PRR11: variants seen among roughly 807,000 people sequenced by gnomAD.
PRR11 encodes the protein proline-rich protein 11.
PRR11 carries 30 observed loss-of-function variants against 45.6 expected under a neutral mutation model. The observed-to-expected ratio is 0.66, with a 90% CI of 0.49 to 0.89. PRR11 has a LOEUF of 0.89. Ranked by LOEUF, PRR11 falls within the 40% of genes least tolerant of loss-of-function variation. The probability of loss-of-function intolerance (pLI) is 0.00; values close to 1 mark genes in which losing one functional copy is unlikely to be tolerated. For missense variants in PRR11, 373 were observed against 424.8 expected, an observed-to-expected ratio of 0.88 and a Z score of 1.07; for synonymous variants, 128 against 153.5, an observed-to-expected ratio of 0.83 and a Z score of 1.23.
intron 6 of PRR11, 128 bp downstream of exon 6, chr17:59,194,983 G>A (rs1295591040): frequency 5.8e-6 from 4 of 694,848 alleles, no homozygotes; most frequent in Non-Finnish European, 9.8e-6. Context: ...GGACCAGCAT[G>A]GGGAATATGG....
chr17:59,161,985 A>T (rs1191957099), intron 1 of PRR11, among the ~76,000 whole-genome samples: 3 of 152,182 alleles, frequency 2.0e-5, no homozygotes, highest in Non-Finnish European at 4.4e-5. Flanking sequence ...TACTAAAACA[A>T]ACCTTAATTT....
At chr17:59,191,319 A>T (rs2046840069) in intron 4 of PRR11, among the ~76,000 whole-genome samples, 1 of 150,764 alleles carries the variant, frequency 6.6e-6, no homozygotes, top group Non-Finnish European at 1.5e-5. Context: ...CCCGGGTTCA[A>T]GCGATTCTCC....
intron 2 of PRR11, among the ~76,000 whole-genome samples, chr17:59,180,510 G>GTTTTTTTTTTTTT (rs1555716481): frequency 9.2e-6 from 1 of 108,634 alleles, no homozygotes; most frequent in African/African-American, 4.4e-5. Flanking sequence ...TTTTTTTTTT[G>GTTTTTTTTTTTTT]TTTTTTTTGT....
chr17:59,178,002 G>GAAA (rs35711059), intron 2 of PRR11, among the ~76,000 whole-genome samples: 2 of 125,394 alleles, frequency 1.6e-5, no homozygotes, highest in Non-Finnish European at 1.7e-5. Context: ...ATACTGTCTC[G>GAAA]AAAAAAAAAA....
intron 3 of PRR11, 91 bp from the exon 4 acceptor site, chr17:59,185,349 A>G (rs1309859235): frequency 3.3e-6 from 5 of 1,531,018 alleles, no homozygotes; most frequent in Non-Finnish European, 4.4e-6. Context: ...TTGCTTCTAT[A>G]AAAACATACA....
At chr17:59,167,115 G>T (rs985091605) in intron 1 of PRR11, among the ~76,000 whole-genome samples, 1 of 152,188 alleles carries the variant, frequency 6.6e-6, no homozygotes, top group Non-Finnish European at 1.5e-5. Context: ...AGTGAGCCAA[G>T]ATCGCGCCAC....
intron 1 of PRR11, among the ~76,000 whole-genome samples, chr17:59,158,882 G>A (rs1159847273): frequency 1.3e-5 from 2 of 152,148 alleles, no homozygotes; most frequent in Non-Finnish European, 1.5e-5. Flanking sequence ...GTGCAGTGGC[G>A]TGATCTTGGC....
At chr17:59,183,578 G>A (rs1312917872) in intron 2 of PRR11, among the ~76,000 whole-genome samples, 4 of 152,106 alleles carry the variant, frequency 2.6e-5, no homozygotes, top group African/African-American at 9.7e-5. Context: ...GAGACATTTT[G>A]AGGCCTGAAA....
Position 59,197,707 on chromosome 17 carries a change from C to T in PRR11, c.932C>T (p.Thr311Ile). 1 of 1,613,980 alleles carries T rather than the reference C, an allele frequency of 6.2e-7. No individual in the cohort carries two copies. The highest frequency in any genetic ancestry group is 8.5e-7 in the Non-Finnish European group (1 of 1,179,940). Residue 311 changes from threonine to isoleucine, a missense_variant, in exon 9 of 10, where the codon ACC becomes ATC. Thr to Ile is a moderately conservative substitution (Grantham distance 89). Coordinates refer to ENST00000262293, the MANE Select transcript of PRR11 (RefSeq NM_018304.4). ...TACCTTTGCAGGAGCCCAGGTGGAA[C>T]CCCTCTTACCAATAAGGAAAATATG... is the stretch of plus-strand genomic sequence containing the variant. The part of the protein sequence containing the change: ...KVDVERSPGG[T>I]PLTNKENMET...
At chr17:59,201,502 A>G in intron 9 of PRR11, 61 bp from the exon 10 acceptor site, 2 of 1,533,758 alleles carry the variant, frequency 1.3e-6, no homozygotes, top group South Asian at 1.1e-5. Context: ...TTGAGAAAGG[A>G]GAGTTGTACT....
chr17:59,179,819 C>A (rs1030361075), intron 2 of PRR11: 2 of 1,352,596 alleles, frequency 1.5e-6, no homozygotes, highest in Non-Finnish European at 2.1e-6. Context: ...TTCGTCCGAC[C>A]ACTCCCTCTT....
chr17:59,173,555 G>A lies in PRR11; in HGVS notation c.128+3675G>A, dbSNP rs548339082. On this transcript the variant is annotated intron_variant, in intron 2 of 9. Transcript: ENST00000262293. ...TGCCTTAAGAGCTGTAACACTCACC[G>A]CGAAGGTCTGCAGCTTCACTACTGA... 1.6e-4 allele frequency among the ~76,000 whole-genome samples: 24 copies of A among 151,972 alleles called. No homozygotes were observed. The East Asian group carries it at 4.4e-3, about 28-fold the overall frequency.
At chr17:59,169,629 G>C (rs1442258963) in intron 1 of PRR11, 119 bp from the exon 2 acceptor site, 9 of 933,320 alleles carry the variant, frequency 9.6e-6, no homozygotes, top group Non-Finnish European at 1.4e-5. Flanking sequence ...TCTTAACCAA[G>C]ATGGTGGTTT....
chr17:59,173,256 C>T (rs369924061), intron 2 of PRR11, among the ~76,000 whole-genome samples: 15 of 152,286 alleles, frequency 9.8e-5, no homozygotes, highest in African/African-American at 3.6e-4. Context: ...GACCAATCGG[C>T]TCTCTGTAAA....
intron 2 of PRR11, among the ~76,000 whole-genome samples, chr17:59,173,791 T>G (rs1306338208): frequency 6.6e-6 from 1 of 152,202 alleles, no homozygotes; most frequent in Non-Finnish European, 1.5e-5. Context: ...TTCAGCTCCG[T>G]CTAGAACAGT....
At chr17:59,192,567 C>T (rs2046844527) in intron 4 of PRR11, among the ~76,000 whole-genome samples, 1 of 152,150 alleles carries the variant, frequency 6.6e-6, no homozygotes, top group African/African-American at 2.4e-5. Context: ...TTAGTTTCTT[C>T]TGAGGCTCCC....
At position 59,195,393 on chromosome 17, in the gene PRR11, C is replaced by T. The variant is rs932680364; in HGVS notation, c.807C>T (p.Thr269=). 2 of 1,613,810 alleles carry T rather than the reference C, an allele frequency of 1.2e-6. No homozygotes were observed. Among genetic ancestry groups the T allele is most frequent in the African/African-American group, 2.7e-5 (2 of 74,888 alleles). Residue 269 remains threonine, a synonymous_variant, in exon 7 of 10, where the codon ACC becomes ACT. Coordinates refer to ENST00000262293, the MANE Select transcript of PRR11 (RefSeq NM_018304.4). ...LVTVSDLQHV[T]LKPNSKVLST... is the part of the protein sequence containing the mutation. ...CCGTCTCTGACTTGCAGCATGTTAC[C>T]CTGAAACCTAACTCCAAAGTGTTAT...
intron 1 of PRR11, among the ~76,000 whole-genome samples, chr17:59,168,771 C>T (rs887163297): frequency 6.6e-6 from 1 of 152,082 alleles, no homozygotes; most frequent in African/African-American, 2.4e-5. Flanking sequence ...CAGTGTATTG[C>T]CTATTTAATC....
chr17:59,197,883 G>T, intron 9 of PRR11, 94 bp downstream of exon 9: 1 of 1,083,186 alleles, frequency 9.2e-7, no homozygotes, highest in East Asian at 2.4e-5. Context: ...ACTTTGGGAG[G>T]CTGAGGTGGG....
Sources: gnomAD v4.1 joint callset for allele counts (sites outside exome capture counted in the v4.1 genomes callset) on GRCh38, gnomAD v4.1.1 for gene constraint, MANE v1.5 for transcripts, NCBI Gene and HGNC (gene_info 2026-07-23, HGNC 2026-07-21) for gene names.